C4A: variants seen among roughly 807,000 people sequenced by gnomAD.
The protein encoded by C4A is complement C4A (Chido/Rodgers blood group).
C4A carries 12 observed loss-of-function variants against 45.7 expected under a neutral mutation model. The observed-to-expected ratio is 0.26, with a 90% CI of 0.17 to 0.43. The LOEUF (loss-of-function observed/expected upper bound fraction) is 0.43, where lower values mean the gene tolerates loss of function less well. Among genes scored for constraint, C4A ranks in the 20% least tolerant of loss-of-function variants. The pLI, the probability that C4A is intolerant of heterozygous loss-of-function variation, is 1.00. For synonymous variants in C4A, 66 were observed against 230.7 expected (o/e 0.29, Z 6.47); for missense variants, 127 against 534.4 (o/e 0.24, Z 7.52).
chr6:31,996,315 C>T lies in C4A; in HGVS notation c.3496C>T (p.Gln1166Ter), dbSNP rs1387676878. Residue 1166 changes from glutamine to a stop codon, truncating the protein, a stop_gained, in exon 27 of 41, where the codon CAG becomes TAG. Transcript: ENST00000428956. LOFTEE classifies it high-confidence loss of function. ...FQDEGAEPLK[Q>*]RVEASISKAN... ...GGATGAGGGTGCAGAGCCATTGAAGCAGAGAGTGGTAAGTTCAGTGGCGTT... is the reference window on the plus strand; with the variant it reads ...GGATGAGGGTGCAGAGCCATTGAAGTAGAGAGTGGTAAGTTCAGTGGCGTT... 2.6e-6 allele frequency: 4 copies of T among 1,565,428 alleles called. No homozygotes were observed.
Position 31,996,450 on chromosome 6 carries a change from A to G in C4A, c.3526A>G (p.Asn1176Asp), listed in dbSNP as rs778263675. The G allele has an allele frequency of 1.3e-6, 2 of 1,588,774 alleles. No individual in the cohort carries two copies. The highest frequency in any genetic ancestry group is 1.7e-6 in the Non-Finnish European group (2 of 1,158,418). Residue 1176 changes from asparagine to aspartate, a missense_variant, in exon 28 of 41, where the codon AAC becomes GAC. Transcript: ENST00000428956. ...CCAGGAAGCCTCCATCTCAAAGGCA[A>G]ACTCATTTTTGGGGGAGAAAGCAAG... ...QRVEASISKA[N>D]SFLGEKASAG... is the part of the protein sequence containing the mutation.
rs779306803 is a variant in C4A, at chr6:31,996,189, C to A, written c.3388-18C>A. ...GCCCCTTCCCCCTCCTGTTTGACATCTTTTCTCCCCTTACTAGGGGGGTTT... is the reference window on the plus strand; with the variant it reads ...GCCCCTTCCCCCTCCTGTTTGACATATTTTCTCCCCTTACTAGGGGGGTTT... On this transcript the variant is annotated intron_variant, in intron 26 of 40. Coordinates refer to ENST00000428956, the MANE Select transcript of C4A (RefSeq NM_007293.3). The A allele has an allele frequency of 5.1e-6, 8 of 1,578,804 alleles. 1 individual carries two copies. The highest frequency in any genetic ancestry group is 1.4e-5 in the African/African-American group (1 of 73,148).
intron 27 of C4A, 50 bp from the exon 28 acceptor site, chr6:31,996,379 T>G: frequency 6.3e-7 from 1 of 1,584,336 alleles, no homozygotes; most frequent in Non-Finnish European, 8.6e-7. Context: ...CCCTTTTTCC[T>G]CAGGAACCCA....
Position 31,996,022 on chromosome 6 carries a change from C to T in C4A, c.3298C>T (p.Leu1100=). 1 of 1,585,076 alleles carries T rather than the reference C, an allele frequency of 6.3e-7. No individual in the cohort carries two copies. The highest frequency in any genetic ancestry group is 1.1e-5 in the South Asian group (1 of 90,694). ...GCAGGTAGGAGGCTCGCCTGAGAAA[C>T]TGCAGGAGACATCTAACTGGCTTCT... is the stretch of plus-strand genomic sequence containing the variant. ...QEQVGGSPEK[L]QETSNWLLSQ... The change falls in exon 26 of 41, where the codon CTG becomes TTG. Residue 1100 remains leucine, a synonymous_variant. Transcript: ENST00000428956.
At chr6:31,996,675 A>C (rs1004522192) in intron 28 of C4A, 75 bp downstream of exon 28, 1 of 1,576,032 alleles carries the variant, frequency 6.3e-7, no homozygotes, top group African/African-American at 1.4e-5. Context: ...GCCCAGAGGG[A>C]GAGGCTGGAT....
In C4A at chr6:31,996,517, A is replaced by G. The variant is rs1774467738; in HGVS notation, c.3593A>G (p.Tyr1198Cys). ...LGAHAAAITA[Y>C]ALTLTKAPVD... ...GCCCACGCAGCTGCCATCACGGCCT[A>G]TGCCCTGACACTGACCAAGGCGCCT... is the stretch of plus-strand genomic sequence containing the variant. Residue 1198 changes from tyrosine (Y) to cysteine (C), a missense_variant, in exon 28 of 41, where the codon TAT becomes TGT. Physicochemically the swap from Tyr to Cys is radical, Grantham distance 194. Coordinates refer to ENST00000428956, the MANE Select transcript of C4A (RefSeq NM_007293.3). The G allele has an allele frequency of 4.4e-6, 7 of 1,587,440 alleles. No individual in the cohort carries two copies. Among genetic ancestry groups the G allele is most frequent in the African/African-American group, 1.4e-5 (1 of 73,318 alleles).
rs1313112149 is a variant in C4A at position 31,996,494 on chromosome 6, C to T, written c.3570C>T (p.Ala1190=). Residue 1190 remains alanine (A), a synonymous_variant, in exon 28 of 41, where the codon GCC becomes GCT. Transcript: ENST00000428956. ...GEKASAGLLG[A]HAAAITAYAL... is the part of the protein sequence containing the mutation. ...AAGCAAGTGCTGGGCTCCTGGGTGCCCACGCAGCTGCCATCACGGCCTATG... is the reference window on the plus strand; with the variant it reads ...AAGCAAGTGCTGGGCTCCTGGGTGCTCACGCAGCTGCCATCACGGCCTATG... The T allele has an allele frequency of 8.2e-6, 13 of 1,588,598 alleles. No homozygotes were observed. The Admixed American group carries it at 1.0e-4, about 12-fold the overall frequency.
chr6:31,994,829 ATCT>A, intron 21 of C4A, 120 bp from the exon 22 acceptor site: 2 of 1,189,702 alleles, frequency 1.7e-6, no homozygotes, highest in Non-Finnish European at 2.4e-6. Context: ...GTCTGTTCCC[ATCT>A]TCTACAATTC....
chr6:31,997,186 G>T lies in C4A; in HGVS notation c.3952G>T (p.Ala1318Ser). ...ALDALSAYWI[A>S]SHTTEERGLN... is the part of the protein sequence containing the mutation. ...GGATGCCCTGTCTGCCTACTGGATT[G>T]CCTCCCACACCACTGAGGAGAGGGG... Residue 1318 changes from alanine to serine, a missense_variant, in exon 30 of 41, where the codon GCC becomes TCC. By Grantham distance (99) the Ala-to-Ser change is moderately conservative. Transcript: ENST00000428956. 1 of 577,526 alleles carries T rather than the reference G, an allele frequency of 1.7e-6. No individual in the cohort carries two copies. Among genetic ancestry groups the T allele is most frequent in the South Asian group, 2.0e-5 (1 of 49,474 alleles). 35.8% of individuals were successfully genotyped at this position (577,526 alleles called of 1,614,324 possible).
Sources: gnomAD v4.1 joint callset for allele counts on GRCh38, gnomAD v4.1.1 for gene constraint, MANE v1.5 for transcripts, NCBI Gene and HGNC (gene_info 2026-07-23, HGNC 2026-07-21) for gene names.